The following VRK2 variants were observed in gnomAD, a reference collection of about 807,000 sequenced individuals.
VRK2 encodes the protein VRK serine/threonine kinase 2.
In VRK2, 60 loss-of-function variants were observed where a neutral mutation model predicts 57.6. The ratio of observed to expected loss-of-function variants is 1.04; its 90% CI spans 0.85 to 1.29. VRK2 has a LOEUF of 1.29. VRK2 is among the 50% of genes most tolerant of loss of function. VRK2 has a pLI of 0.00. For missense variants in VRK2, 705 were observed against 588.1 expected, an observed-to-expected ratio of 1.20 and a Z score of -2.06; for synonymous variants, 231 against 199.2, an observed-to-expected ratio of 1.16 and a Z score of -1.35.
intron 1 of VRK2, among the ~76,000 whole-genome samples, chr2:58,019,042 T>A (rs954382028): frequency 6.6e-6 from 1 of 152,360 alleles, no homozygotes; most frequent in Admixed American, 6.5e-5. Context: ...TTTAGATGCA[T>A]TTTTAAATGC....
At chr2:58,046,528 C>G (rs1674766850), upstream of VRK2, 2 of 985,554 alleles carry the variant, frequency 2.0e-6, no homozygotes, top group African/African-American at 3.5e-5. Flanking sequence ...TCGTACCAAA[C>G]TGGTCTGGCG....
chr2:57,993,723 C>G (rs761763994), intron 1 of VRK2, among the ~76,000 whole-genome samples: 1 of 152,198 alleles, frequency 6.6e-6, no homozygotes, highest in East Asian at 1.9e-4. Context: ...GAACCTCTCT[C>G]TGGGGATGCT....
intron 1 of VRK2, among the ~76,000 whole-genome samples, chr2:57,948,385 G>T (rs1671325141): frequency 6.6e-6 from 1 of 152,118 alleles, no homozygotes; most frequent in South Asian, 2.1e-4. Flanking sequence ...AGGAAAGAAA[G>T]GCAAGTGCAT....
At chr2:58,071,140 A>G (rs148228706) in intron 2 of VRK2, among the ~76,000 whole-genome samples, 4 of 152,098 alleles carry the variant, frequency 2.6e-5, no homozygotes, top group African/African-American at 9.6e-5. Context: ...TATTTTGCTC[A>G]TTTTAAAATG....
At chr2:58,027,504 G>A (rs1013549061) in intron 2 of VRK2, among the ~76,000 whole-genome samples, 1 of 152,098 alleles carries the variant, frequency 6.6e-6, no homozygotes, top group South Asian at 2.1e-4. Context: ...ATATGATTTT[G>A]TTGGTTCTCA....
At chr2:57,964,609 C>A (rs574379266) in intron 1 of VRK2, among the ~76,000 whole-genome samples, 4 of 152,106 alleles carry the variant, frequency 2.6e-5, no homozygotes, top group Non-Finnish European at 5.9e-5. Flanking sequence ...ATAGGCCAGG[C>A]GCGGTGGCTC....
Position 58,123,122 on chromosome 2 carries a change from C to T in VRK2, c.565C>T (p.Leu189Phe), listed in dbSNP as rs541143340. The T allele has an allele frequency of 3.0e-5, 48 of 1,600,348 alleles. 1 individual carries two copies. In the South Asian group the frequency reaches 5.5e-4, roughly 18 times the overall value. The change falls in exon 8 of 13, where the codon CTT becomes TTT. Residue 189 changes from leucine to phenylalanine, a missense_variant. Coordinates refer to ENST00000340157, the MANE Select transcript of VRK2 (RefSeq NM_006296.7). ...PDQVYLADYG[L>F]SYRYCPNGNH... The stretch of plus-strand genomic sequence containing the variant: ...CCAGGTTTATCTTGCAGATTATGGA[C>T]TTTCCTACAGATATTGTCCCAATGG...
chr2:58,082,280 T>A (rs1390390451), intron 2 of VRK2, among the ~76,000 whole-genome samples: 1 of 151,972 alleles, frequency 6.6e-6, no homozygotes, highest in Non-Finnish European at 1.5e-5. Flanking sequence ...ACATCTTTTT[T>A]TTCCAGTGGT....
chr2:57,962,880 T>C (rs888596572), intron 1 of VRK2, among the ~76,000 whole-genome samples: 1 of 152,218 alleles, frequency 6.6e-6, no homozygotes, highest in Non-Finnish European at 1.5e-5. Context: ...ACTTTATTTC[T>C]AAGCCTTTGT....
rs565004502 is a variant in VRK2 at position 57,969,317 on chromosome 2, T to G, written c.-438-56348T>G. Among the ~76,000 whole-genome samples, 49 of 152,194 alleles carry G rather than the reference T, an allele frequency of 3.2e-4. No homozygotes were observed. The South Asian group carries it at 9.5e-3, about 30-fold the overall frequency. On this transcript the variant is annotated intron_variant, in intron 1 of 15. Transcript: ENST00000417641. ...CATTTGAAGAAATCAAGTTTTTTTTTGAATTGCAAGAAAATAAATATGTTT... is the reference window on the plus strand; with the variant it reads ...CATTTGAAGAAATCAAGTTTTTTTTGGAATTGCAAGAAAATAAATATGTTT...
At chr2:57,995,026 G>A (rs1328996581) in intron 1 of VRK2, among the ~76,000 whole-genome samples, 1 of 152,052 alleles carries the variant, frequency 6.6e-6, no homozygotes, top group African/African-American at 2.4e-5. Context: ...AATAGGAAAG[G>A]GAAAAAGTAT....
chr2:58,048,284 A>G (rs1240567188), intron 1 of VRK2, among the ~76,000 whole-genome samples: 1 of 152,170 alleles, frequency 6.6e-6, no homozygotes, highest in Non-Finnish European at 1.5e-5. Context: ...GTATTCTGCT[A>G]AGTTACATAT....
At chr2:58,130,290 A>G (rs1013877846) in intron 8 of VRK2, among the ~76,000 whole-genome samples, 4 of 152,222 alleles carry the variant, frequency 2.6e-5, no homozygotes, top group Admixed American at 1.3e-4. Flanking sequence ...TTGCCATAAT[A>G]GAAAGGAGAC....
At chr2:58,159,010 C>CT (rs1684546264) in intron 12 of VRK2, among the ~76,000 whole-genome samples, 1 of 152,082 alleles carries the variant, frequency 6.6e-6, no homozygotes, top group Non-Finnish European at 1.5e-5. Flanking sequence ...ATCTTACCCC[C>CT]TTAAGATTAA....
rs199966454 is a variant in VRK2 at position 58,139,849 on chromosome 2, C to T, written c.1023+17C>T. 11 of 1,592,386 alleles carry T rather than the reference C, an allele frequency of 6.9e-6. No homozygotes were observed. The African/African-American group carries it at 8.1e-5, about 12-fold the overall frequency. ...AGTCAAAAAGTAAGTAACATAATCC[C>T]TGCTATCCTATGATTACCTTCTATG... On this transcript the variant is annotated intron_variant, in intron 11 of 12. Coordinates refer to ENST00000340157, the MANE Select transcript of VRK2 (RefSeq NM_006296.7).
intron 1 of VRK2, among the ~76,000 whole-genome samples, chr2:57,991,539 C>T (rs115846156): frequency 6.6e-6 from 1 of 152,040 alleles, no homozygotes; most frequent in African/African-American, 2.4e-5. Context: ...ATTTACCGAA[C>T]CAGGGTCCAA....
chr2:57,987,553 T>C (rs1020773448), intron 1 of VRK2, among the ~76,000 whole-genome samples: 1 of 152,124 alleles, frequency 6.6e-6, no homozygotes, highest in South Asian at 2.1e-4. Context: ...ACATTATTGG[T>C]GGGAATGCAA....
intron 1 of VRK2, among the ~76,000 whole-genome samples, chr2:57,962,598 G>T (rs1006203835): frequency 6.6e-6 from 1 of 151,964 alleles, no homozygotes; most frequent in Non-Finnish European, 1.5e-5. Flanking sequence ...GTAGGCCCCT[G>T]TGTCTCTTGT....
In VRK2 at chr2:58,089,729, T is replaced by G; in HGVS notation, c.543+6T>G. On this transcript the variant is annotated splice_donor_region_variant and intron_variant, in intron 7 of 12. Coordinates refer to ENST00000340157, the MANE Select transcript of VRK2 (RefSeq NM_006296.7). ...GTTACAAAAATCCAGACCAGGTAAATACATACTTTTGCTTTTAATAAAGGT... is the reference window on the plus strand; with the variant it reads ...GTTACAAAAATCCAGACCAGGTAAAGACATACTTTTGCTTTTAATAAAGGT... 6.3e-7 allele frequency: 1 copy of G among 1,589,862 alleles called. No homozygotes were observed. The highest frequency in any genetic ancestry group is 8.6e-7 in the Non-Finnish European group (1 of 1,163,584).
Sources: allele counts gnomAD v4.1 joint callset (sites outside exome capture counted in the v4.1 genomes callset), GRCh38; gene constraint gnomAD v4.1.1; transcripts MANE v1.5; gene names NCBI Gene and HGNC (gene_info 2026-07-23, HGNC 2026-07-21).